Variants in PLCB1 observed in about 807,000 individuals in gnomAD.
PLCB1 encodes the protein 1-phosphatidylinositol 4,5-bisphosphate phosphodiesterase beta-1.
PLCB1 carries 46 observed loss-of-function variants against 161.8 expected under a neutral mutation model. That is an observed-to-expected ratio of 0.28 (90% confidence interval 0.22 to 0.36). PLCB1 has a LOEUF of 0.36. Ranked by LOEUF, PLCB1 falls within the 10% of genes least tolerant of loss-of-function variation. The probability of loss-of-function intolerance (pLI) is 1.00; values close to 1 mark genes in which losing one functional copy is unlikely to be tolerated. For synonymous variants in PLCB1, 517 were observed against 503.7 expected (o/e 1.03, Z -0.35); for missense variants, 1,016 against 1,472.5 (o/e 0.69, Z 5.07).
At chr20:8,778,807 A>G (rs908937660) in intron 27 of PLCB1, among the ~76,000 whole-genome samples, 2 of 152,086 alleles carry the variant, frequency 1.3e-5, no homozygotes, top group Non-Finnish European at 2.9e-5. Context: ...GAACCACACA[A>G]TGTTTATTTT....
intron 2 of PLCB1, among the ~76,000 whole-genome samples, chr20:8,270,047 C>T (rs1982199613): frequency 6.6e-6 from 1 of 151,922 alleles, no homozygotes; most frequent in East Asian, 1.9e-4. Context: ...TGGGTTAGTC[C>T]AGGGTTAAAT....
chr20:8,745,528 G>A (rs934310399), intron 23 of PLCB1, among the ~76,000 whole-genome samples: 1 of 151,800 alleles, frequency 6.6e-6, no homozygotes, highest in Non-Finnish European at 1.5e-5. Context: ...ATAAGAAAGT[G>A]GAATTTCCCC....
chr20:8,351,365 A>G (rs1224832397), intron 2 of PLCB1, among the ~76,000 whole-genome samples: 1 of 152,150 alleles, frequency 6.6e-6, no homozygotes, highest in African/African-American at 2.4e-5. Context: ...ACATATATGT[A>G]AAATGCAAAC....
At chr20:8,522,475 C>T (rs1984389638) in intron 3 of PLCB1, among the ~76,000 whole-genome samples, 1 of 143,086 alleles carries the variant, frequency 7.0e-6, no homozygotes, top group Admixed American at 6.9e-5. Context: ...AATTCAAAGC[C>T]TAGTCTTCTT....
chr20:8,381,357 G>A (rs924136086), intron 3 of PLCB1, among the ~76,000 whole-genome samples: 3 of 152,152 alleles, frequency 2.0e-5, no homozygotes, highest in Non-Finnish European at 2.9e-5. Flanking sequence ...ATTTTATCGA[G>A]GATTTTTGCA....
At chr20:8,431,612 G>A (rs1052955847) in intron 3 of PLCB1, among the ~76,000 whole-genome samples, 1 of 152,136 alleles carries the variant, frequency 6.6e-6, no homozygotes, top group African/African-American at 2.4e-5. Flanking sequence ...AGGGATTATA[G>A]ACATGTATTT....
rs1986210083 is a variant in PLCB1, at chr20:8,834,831, A to C, written c.3423+44570A>C. 2.1e-5 allele frequency among the ~76,000 whole-genome samples: 3 copies of C among 146,056 alleles called. No homozygotes were observed. In the Admixed American group the frequency reaches 2.1e-4, roughly 10 times the overall value. ...CTCAGAAAAAAAAAAAAAAAAAAAA[A>C]AAAAAACCACAGGCTGCTGTAGAAT... On this transcript the variant is annotated intron_variant, in intron 31 of 31. Transcript: ENST00000338037.
At chr20:8,459,995 T>A (rs927288270) in intron 3 of PLCB1, among the ~76,000 whole-genome samples, 2 of 152,198 alleles carry the variant, frequency 1.3e-5, no homozygotes, top group African/African-American at 4.8e-5. Flanking sequence ...AGCTCAGAAA[T>A]TGTGAACCAA....
intron 2 of PLCB1, among the ~76,000 whole-genome samples, chr20:8,344,093 T>C (rs1985907953): frequency 6.6e-6 from 1 of 152,216 alleles, no homozygotes; most frequent in Admixed American, 6.5e-5. Context: ...TGGGATCTCA[T>C]GCCATTTCTT....
At chr20:8,686,664 C>T (rs963078175) in intron 10 of PLCB1, among the ~76,000 whole-genome samples, 1 of 152,122 alleles carries the variant, frequency 6.6e-6, no homozygotes, top group African/African-American at 2.4e-5. Flanking sequence ...TTCATTCAAT[C>T]GCGGCTGCCA....
At chr20:8,546,313 CAAAAAAAAAAAAA>C (rs369485988) in intron 3 of PLCB1, among the ~76,000 whole-genome samples, 45,777 of 103,652 alleles carry the variant, frequency 0.44, 8,132 homozygotes, top group Non-Finnish European at 0.5. Context: ...GACTCTATCT[CAAAAAAAAAAAAA>C]AAAAAAAAAA....
At chr20:8,575,646 A>G (rs910016403) in intron 3 of PLCB1, among the ~76,000 whole-genome samples, 6 of 152,194 alleles carry the variant, frequency 3.9e-5, no homozygotes, top group African/African-American at 1.4e-4. Flanking sequence ...GCTGTTTCTC[A>G]CCTCACCGAA....
chr20:8,680,469 GACATATCTCTGCCTA>G (rs1279483745), intron 9 of PLCB1, among the ~76,000 whole-genome samples: 1 of 152,134 alleles, frequency 6.6e-6, no homozygotes, highest in African/African-American at 2.4e-5. Flanking sequence ...CCTTGACTTT[GACATATCTCTGCCTA>G]ATCATTTAAT....
intron 3 of PLCB1, among the ~76,000 whole-genome samples, chr20:8,451,284 T>C (rs1173266452): frequency 2.0e-5 from 3 of 152,180 alleles, no homozygotes; most frequent in African/African-American, 7.2e-5. Flanking sequence ...CAATTTGCAT[T>C]TGGATAAAAA....
chr20:8,734,405 CA>C (rs1327433171), intron 19 of PLCB1, among the ~76,000 whole-genome samples: 1 of 151,662 alleles, frequency 6.6e-6, no homozygotes, highest in Non-Finnish European at 1.5e-5. Flanking sequence ...AATAAATTAT[CA>C]AATGTTAAAC....
chr20:8,381,355 G>A (rs549944817), intron 3 of PLCB1, among the ~76,000 whole-genome samples: 137 of 152,258 alleles, frequency 9.0e-4, no homozygotes, highest in African/African-American at 3.1e-3. Flanking sequence ...GTATTTTATC[G>A]AGGATTTTTG....
chr20:8,240,923 T>C (rs751538299), intron 2 of PLCB1, among the ~76,000 whole-genome samples: 1 of 151,998 alleles, frequency 6.6e-6, no homozygotes, highest in Non-Finnish European at 1.5e-5. Context: ...CCAGTTCTGA[T>C]TGGTCATTTA....
intron 3 of PLCB1, among the ~76,000 whole-genome samples, chr20:8,413,754 A>G (rs1285414696): frequency 6.6e-6 from 1 of 152,108 alleles, no homozygotes; most frequent in Non-Finnish European, 1.5e-5. Flanking sequence ...TGAATCTTTT[A>G]TTTTTTGCAA....
intron 3 of PLCB1, among the ~76,000 whole-genome samples, chr20:8,396,930 T>C (rs539601442): frequency 6.6e-6 from 1 of 152,106 alleles, no homozygotes; most frequent in African/African-American, 2.4e-5. Flanking sequence ...AGACAATTTC[T>C]GTTTTATTTT....
Sources: gnomAD v4.1 joint callset for allele counts (sites outside exome capture counted in the v4.1 genomes callset) on GRCh38, gnomAD v4.1.1 for gene constraint, MANE v1.5 for transcripts, NCBI Gene and HGNC (gene_info 2026-07-23, HGNC 2026-07-21) for gene names.